Variants in MAP3K7CL observed in about 807,000 individuals in gnomAD.
MAP3K7CL encodes the protein MAP3K7 C-terminal like.
In MAP3K7CL, 16 loss-of-function variants were observed where a neutral mutation model predicts 18.6. That is an observed-to-expected ratio of 0.86 (90% CI 0.58 to 1.31). The LOEUF is 1.31. MAP3K7CL is among the 50% of genes most tolerant of loss of function. The pLI is 0.00. For missense variants in MAP3K7CL, 163 were observed against 174.4 expected, an observed-to-expected ratio of 0.93 and a Z score of 0.37; for synonymous variants, 65 against 66.8, an observed-to-expected ratio of 0.97 and a Z score of 0.13.
At chr21:29,096,982 G>A (rs182151090) in intron 4 of MAP3K7CL, among the ~76,000 whole-genome samples, 134 of 152,284 alleles carry the variant, frequency 8.8e-4, no homozygotes, top group African/African-American at 2.8e-3. Flanking sequence ...TTCAGAACGC[G>A]TTTAAAATCT....
chr21:29,124,409 A>G (rs915928570), intron 4 of MAP3K7CL, among the ~76,000 whole-genome samples: 1 of 151,920 alleles, frequency 6.6e-6, no homozygotes, highest in Non-Finnish European at 1.5e-5. Context: ...TTAACTTTAA[A>G]TGGTAAACTC....
Position 29,153,563 on chromosome 21 carries a change from C to A in MAP3K7CL, c.132+4313C>A, listed in dbSNP as rs532346472. Among the ~76,000 whole-genome samples the A allele has an allele frequency of 3.3e-5, 5 of 152,214 alleles. No individual in the cohort carries two copies. In the South Asian group the frequency reaches 8.3e-4, roughly 25 times the overall value. Reference sequence around the variant, plus strand: ...CCCCAAGCTCAGGTGATCCTCCCACCCCAGCCTCTTGAGTAGCTGGGACCA... The same window carrying A: ...CCCCAAGCTCAGGTGATCCTCCCACACCAGCCTCTTGAGTAGCTGGGACCA... On this transcript the variant is annotated intron_variant, in intron 3 of 4. Coordinates refer to ENST00000399928, the MANE Select transcript of MAP3K7CL (RefSeq NM_001286620.2).
At chr21:29,108,377 C>G (rs2086360915) in intron 4 of MAP3K7CL, among the ~76,000 whole-genome samples, 1 of 152,176 alleles carries the variant, frequency 6.6e-6, no homozygotes, top group Non-Finnish European at 1.5e-5. Context: ...TCTTGGACTT[C>G]CTAGCCTAGA....
At chr21:29,134,089 A>G (rs1458082899) in intron 2 of MAP3K7CL, among the ~76,000 whole-genome samples, 2 of 152,246 alleles carry the variant, frequency 1.3e-5, no homozygotes, top group Non-Finnish European at 2.9e-5. Context: ...TTCCACTGGC[A>G]TCCGCCATTG....
chr21:29,158,271 T>C (rs1249354798), intron 3 of MAP3K7CL, among the ~76,000 whole-genome samples: 3 of 152,200 alleles, frequency 2.0e-5, no homozygotes, highest in East Asian at 1.9e-4. Flanking sequence ...CTGAATTCCT[T>C]TGGCAATAGC....
At chr21:29,170,299 G>T (rs1286764103) in intron 4 of MAP3K7CL, among the ~76,000 whole-genome samples, 2 of 152,188 alleles carry the variant, frequency 1.3e-5, no homozygotes, top group Admixed American at 1.3e-4. Context: ...CTGGGTTCCA[G>T]TAAAGAAGAA....
At chr21:29,166,236 C>T (rs1338486175) in intron 4 of MAP3K7CL, among the ~76,000 whole-genome samples, 2 of 152,194 alleles carry the variant, frequency 1.3e-5, no homozygotes, top group Admixed American at 6.5e-5. Context: ...TTAGATTCCA[C>T]ATAGGAGCGT....
intron 4 of MAP3K7CL, among the ~76,000 whole-genome samples, chr21:29,115,502 G>A (rs562773594): frequency 6.8e-4 from 104 of 152,274 alleles, no homozygotes; most frequent in Non-Finnish European, 1.2e-3. Context: ...TGAGTGCAGG[G>A]GGCCAGAGTG....
intron 4 of MAP3K7CL, among the ~76,000 whole-genome samples, chr21:29,101,062 T>A (rs982876808): frequency 1.3e-5 from 2 of 151,372 alleles, no homozygotes; most frequent in Non-Finnish European, 2.9e-5. Flanking sequence ...TGGAGGTCTG[T>A]GGATCTGGGA....
chr21:29,118,563 A>C (rs1410438924), intron 4 of MAP3K7CL, among the ~76,000 whole-genome samples: 8 of 152,206 alleles, frequency 5.3e-5, no homozygotes, highest in Admixed American at 3.9e-4. Context: ...CAGGAGAATG[A>C]ACAAAGGGTT....
chr21:29,134,518 G>A (rs1265358480), intron 2 of MAP3K7CL, among the ~76,000 whole-genome samples: 1 of 152,198 alleles, frequency 6.6e-6, no homozygotes, highest in African/African-American at 2.4e-5. Context: ...CTCCAGTGGA[G>A]GATGTATTCC....
chr21:29,159,343 A>G (rs1054083530), intron 3 of MAP3K7CL, among the ~76,000 whole-genome samples: 2 of 152,170 alleles, frequency 1.3e-5, no homozygotes, highest in Non-Finnish European at 2.9e-5. Flanking sequence ...AAAAAGAGAA[A>G]CATGAATCTT....
chr21:29,161,111 A>T (rs192645663), intron 4 of MAP3K7CL, among the ~76,000 whole-genome samples: 1 of 152,334 alleles, frequency 6.6e-6, no homozygotes, highest in Admixed American at 6.5e-5. Context: ...AGGATTTGAG[A>T]ACAGCCTGGC....
rs755293776 is a variant in MAP3K7CL at position 29,098,257 on chromosome 21, G to A, written c.370+5676G>A. Among the ~76,000 whole-genome samples, 6 of 152,100 alleles carry A rather than the reference G, an allele frequency of 3.9e-5. No homozygotes were observed. In the South Asian group the frequency reaches 6.2e-4, roughly 16 times the overall value. On this transcript the variant is annotated intron_variant, in intron 4 of 6. Coordinates refer to the MAP3K7CL transcript ENST00000286791. ...ATTTTTAAGAGGGATTTTTCTCTCC[G>A]TGTGCTCCACAGTAAGCACTGTCAA...
intron 4 of MAP3K7CL, among the ~76,000 whole-genome samples, chr21:29,165,449 C>T (rs2087661660): frequency 6.6e-6 from 1 of 152,184 alleles, no homozygotes; most frequent in African/African-American, 2.4e-5. Context: ...GCAGGGTACA[C>T]TGTACACAAT....
chr21:29,142,665 A>C (rs2087035007), intron 2 of MAP3K7CL, among the ~76,000 whole-genome samples: 1 of 152,250 alleles, frequency 6.6e-6, no homozygotes, highest in Non-Finnish European at 1.5e-5. Flanking sequence ...ATAGTGAAAA[A>C]GAATGAAAAA....
chr21:29,096,979 C>T (rs531043695), intron 4 of MAP3K7CL, among the ~76,000 whole-genome samples: 15 of 152,232 alleles, frequency 9.9e-5, no homozygotes, highest in African/African-American at 3.4e-4. Flanking sequence ...TCTTTCAGAA[C>T]GCGTTTAAAA....
rs567902282 is a variant in MAP3K7CL at position 29,124,001 on chromosome 21, T to C, written c.371-25188T>C. 9.9e-5 allele frequency among the ~76,000 whole-genome samples: 15 copies of C among 152,246 alleles called. No homozygotes were observed. The South Asian group carries it at 3.1e-3, about 32-fold the overall frequency. Reference sequence around the variant, plus strand: ...AGATAAACATTATTTTCTCATACAGTCAAAAATATTAAAGGAAATTTATTC... The same window carrying C: ...AGATAAACATTATTTTCTCATACAGCCAAAAATATTAAAGGAAATTTATTC... On this transcript the variant is annotated intron_variant, in intron 4 of 6. Coordinates refer to the MAP3K7CL transcript ENST00000286791.
intron 1 of MAP3K7CL, among the ~76,000 whole-genome samples, chr21:29,087,882 C>T (rs1301134416): frequency 6.6e-6 from 1 of 152,020 alleles, no homozygotes; most frequent in South Asian, 2.1e-4. Flanking sequence ...TGTGAGCCAC[C>T]GCGCCCGGTC....
Sources: gnomAD v4.1 joint callset for allele counts (sites outside exome capture counted in the v4.1 genomes callset) on GRCh38, gnomAD v4.1.1 for gene constraint, MANE v1.5 for transcripts, NCBI Gene and HGNC (gene_info 2026-07-23, HGNC 2026-07-21) for gene names.